Variants in TBL1XR1 observed in about 807,000 individuals in gnomAD.
The protein encoded by TBL1XR1 is TBL1X/Y related 1.
A neutral mutation model predicts 66.9 loss-of-function variants in TBL1XR1; 5 were observed. The ratio of observed to expected loss-of-function variants is 0.07; its 90% CI spans 0.04 to 0.16. TBL1XR1 has a LOEUF of 0.16. Ranked by LOEUF, TBL1XR1 falls within the 10% of genes least tolerant of loss-of-function variation. The pLI is 1.00. For missense variants in TBL1XR1, 238 were observed against 623.2 expected (o/e 0.38, Z 6.58); for synonymous variants, 210 against 206.0 (o/e 1.02, Z -0.17).
intron 1 of TBL1XR1, among the ~76,000 whole-genome samples, chr3:177,117,135 C>T (rs1450657315): frequency 6.6e-6 from 1 of 152,152 alleles, no homozygotes; most frequent in African/African-American, 2.4e-5. Context: ...AAGATTATGG[C>T]TTTGAAGAAA....
rs980015890 is a variant in TBL1XR1 at position 177,117,318 on chromosome 3, C to T, written c.-121-18777G>A. On this transcript the variant is annotated intron_variant, in intron 1 of 15. Coordinates refer to ENST00000457928, the MANE Select transcript of TBL1XR1 (RefSeq NM_024665.7). Reference sequence around the variant, plus strand: ...TTGCCTAGAATAGCAACACTGAATTCCTGGGAAAGATATTTTCAGCAACAG... The same window carrying T: ...TTGCCTAGAATAGCAACACTGAATTTCTGGGAAAGATATTTTCAGCAACAG... Among the ~76,000 whole-genome samples, 8 of 152,248 alleles carry T rather than the reference C, an allele frequency of 5.3e-5. No individual in the cohort carries two copies. In the East Asian group the frequency reaches 1.4e-3, roughly 26 times the overall value.
intron 3 of TBL1XR1, among the ~76,000 whole-genome samples, chr3:177,056,881 T>G (rs1717866992): frequency 6.6e-6 from 1 of 152,146 alleles, no homozygotes; most frequent in African/African-American, 2.4e-5. Context: ...TAGTCCCCAT[T>G]ACCCTTTGCT....
At chr3:177,051,292 T>TG (rs1221499914) in intron 5 of TBL1XR1, among the ~76,000 whole-genome samples, 3 of 149,324 alleles carry the variant, frequency 2.0e-5, no homozygotes, top group South Asian at 2.2e-4. Context: ...GGGACCTTCC[T>TG]GGGGGGTGGA....
At chr3:177,026,020 T>A in intron 15 of TBL1XR1, 1 of 297,470 alleles carries the variant, frequency 3.4e-6, no homozygotes, top group Non-Finnish European at 6.2e-6. Flanking sequence ...AGTTCTGCCT[T>A]CCCTGGGCCA....
At chr3:177,190,521 T>G (rs1736015741) in intron 1 of TBL1XR1, among the ~76,000 whole-genome samples, 1 of 152,190 alleles carries the variant, frequency 6.6e-6, no homozygotes, top group African/African-American at 2.4e-5. Flanking sequence ...TTTTATCATG[T>G]TAGCCAGGCT....
intron 12 of TBL1XR1, among the ~76,000 whole-genome samples, chr3:177,036,109 G>A (rs564017995): frequency 1.3e-5 from 2 of 152,158 alleles, no homozygotes; most frequent in South Asian, 2.1e-4. Flanking sequence ...ACCAGGCCGC[G>A]TTCAGCCAGA....
intron 1 of TBL1XR1, among the ~76,000 whole-genome samples, chr3:177,141,775 A>G (rs1203526799): frequency 1.3e-5 from 2 of 152,258 alleles, no homozygotes; most frequent in African/African-American, 4.8e-5. Context: ...TCACAGCAGC[A>G]CTATTCACAA....
intron 2 of TBL1XR1, among the ~76,000 whole-genome samples, chr3:177,097,201 T>TC (rs1723606201): frequency 1.3e-5 from 2 of 152,222 alleles, no homozygotes; most frequent in African/African-American, 4.8e-5. Context: ...TCTATAAACC[T>TC]CAATCAGTTT....
In TBL1XR1 at chr3:177,182,327, G is replaced by A. The variant is rs372734250; in HGVS notation, c.-122+14794C>T. 2.0e-5 allele frequency among the ~76,000 whole-genome samples: 3 copies of A among 152,320 alleles called. No individual in the cohort carries two copies. In the South Asian group the frequency reaches 6.2e-4, roughly 32 times the overall value. On this transcript the variant is annotated intron_variant, in intron 1 of 15. Transcript: ENST00000457928. The stretch of plus-strand genomic sequence containing the variant: ...TGAGCCCGGGGAGTTCAGGGCTGCA[G>A]TGAGCCATGACCGTGCCACTGCCCT...
intron 1 of TBL1XR1, among the ~76,000 whole-genome samples, chr3:177,112,099 A>AT (rs1725688513): frequency 1.8e-4 from 9 of 49,226 alleles, no homozygotes; most frequent in East Asian, 7.9e-4. Flanking sequence ...ATATATATAT[A>AT]TATATATATT....
chr3:177,187,926 G>A (rs1036654459), intron 1 of TBL1XR1, among the ~76,000 whole-genome samples: 9 of 138,256 alleles, frequency 6.5e-5, no homozygotes, highest in African/African-American at 2.5e-4. Flanking sequence ...AAGCTTGAGA[G>A]TCCAGAGTAC....
intron 10 of TBL1XR1, chr3:177,040,933 T>C (rs1033309678): frequency 1.3e-5 from 2 of 152,164 alleles, no homozygotes; most frequent in African/African-American, 4.8e-5. Context: ...CAAATAACTA[T>C]ATTTTTAAAA....
chr3:177,187,263 G>A (rs1240086878), intron 1 of TBL1XR1, among the ~76,000 whole-genome samples: 4 of 151,720 alleles, frequency 2.6e-5, no homozygotes, highest in African/African-American at 7.3e-5. Context: ...GTGTGGTGGC[G>A]GGCGCCTGCA....
chr3:177,080,288 T>C (rs1721235831), intron 2 of TBL1XR1, among the ~76,000 whole-genome samples: 1 of 152,176 alleles, frequency 6.6e-6, no homozygotes, highest in African/African-American at 2.4e-5. Flanking sequence ...TAGTAATGAG[T>C]AACCCAAATT....
intron 1 of TBL1XR1, among the ~76,000 whole-genome samples, chr3:177,192,203 T>C (rs1186745582): frequency 6.6e-6 from 1 of 151,630 alleles, no homozygotes; most frequent in Non-Finnish European, 1.5e-5. Context: ...GGAGACCACA[T>C]GGTGAAACCC....
intron 1 of TBL1XR1, among the ~76,000 whole-genome samples, chr3:177,153,877 CAAAAAAA>C (rs1007822226): frequency 9.3e-5 from 4 of 43,072 alleles, no homozygotes; most frequent in South Asian, 6.9e-4. Context: ...AACTCCATCT[CAAAAAAA>C]AAAAAAAAAA....
intron 2 of TBL1XR1, among the ~76,000 whole-genome samples, chr3:177,071,322 T>G (rs934963114): frequency 6.6e-6 from 1 of 152,126 alleles, no homozygotes. Flanking sequence ...AACTCAAATA[T>G]TATAGGAAGA....
intron 1 of TBL1XR1, among the ~76,000 whole-genome samples, chr3:177,161,698 C>T (rs949728639): frequency 3.3e-5 from 5 of 151,516 alleles, no homozygotes; most frequent in Non-Finnish European, 7.4e-5. Flanking sequence ...GCAGGAGGAT[C>T]GCTTGAACCA....
At chr3:177,197,618 C>CCGGG (rs1311855525), upstream of TBL1XR1, among the ~76,000 whole-genome samples, 20 of 130,690 alleles carry the variant, frequency 1.5e-4, no homozygotes, top group East Asian at 7.1e-4. Context: ...GCGGCCTGCG[C>CCGGG]CGGGCGGGCG....
Sources: allele counts gnomAD v4.1 joint callset (sites outside exome capture counted in the v4.1 genomes callset), GRCh38; gene constraint gnomAD v4.1.1; transcripts MANE v1.5; gene names NCBI Gene and HGNC (gene_info 2026-07-23, HGNC 2026-07-21).